The following PCDH15 variants were observed in gnomAD, a reference collection of about 807,000 sequenced individuals.
PCDH15 encodes protocadherin related 15, also known as protocadherin-15.
Under a neutral mutation model 178.5 loss-of-function variants are expected in PCDH15, and 129 were observed. The observed-to-expected ratio is 0.72, with a 90% CI of 0.63 to 0.84. The LOEUF (loss-of-function observed/expected upper bound fraction) is 0.84. PCDH15 is among the 40% of genes least tolerant of loss of function. PCDH15 has a pLI of 0.00. For synonymous variants in PCDH15, 800 were observed against 732.0 expected (o/e 1.09, Z -1.50); for missense variants, 2,230 against 2,099.9 (o/e 1.06, Z -1.21).
chr10:55,379,254 T>C (rs1010748027), intron 2 of PCDH15, among the ~76,000 whole-genome samples: 1 of 152,100 alleles, frequency 6.6e-6, no homozygotes, highest in East Asian at 1.9e-4. Flanking sequence ...TCTAAGGCCT[T>C]TGGTAATCAC....
chr10:53,865,166 G>T (rs959103880), intron 27 of PCDH15, among the ~76,000 whole-genome samples: 1 of 152,160 alleles, frequency 6.6e-6, no homozygotes, highest in African/African-American at 2.4e-5. Flanking sequence ...AATCAGCATG[G>T]ATATAGGTCT....
At chr10:55,021,582 T>A (rs1017279496) in intron 2 of PCDH15, among the ~76,000 whole-genome samples, 1 of 152,116 alleles carries the variant, frequency 6.6e-6, no homozygotes, top group Non-Finnish European at 1.5e-5. Flanking sequence ...CTTTAGAATA[T>A]CCCCATAATA....
chr10:54,132,301 C>G (rs9787465), intron 15 of PCDH15, among the ~76,000 whole-genome samples: 33,455 of 152,036 alleles, frequency 0.22, 4,761 homozygotes, highest in East Asian at 0.81. Flanking sequence ...TATCATCTTG[C>G]AAGTAACACA....
chr10:54,054,857 T>C (rs1172439037), intron 18 of PCDH15, among the ~76,000 whole-genome samples: 1 of 152,150 alleles, frequency 6.6e-6, no homozygotes, highest in African/African-American at 2.4e-5. Context: ...GGGTTTGCAT[T>C]ATATAGTTTG....
chr10:55,442,032 ATGTGGCTCTGC>A (rs1438368648), intron 2 of PCDH15, among the ~76,000 whole-genome samples: 4 of 152,122 alleles, frequency 2.6e-5, no homozygotes, highest in African/African-American at 7.2e-5. Flanking sequence ...ACTAAAGGGC[ATGTGGCTCTGC>A]TGATGGCTGA....
chr10:55,033,744 T>A (rs1317854052), intron 2 of PCDH15, among the ~76,000 whole-genome samples: 1 of 152,028 alleles, frequency 6.6e-6, no homozygotes, highest in Non-Finnish European at 1.5e-5. Context: ...AATAAATGAA[T>A]TTTTTTTAAT....
chr10:53,958,997 A>AG (rs2087948519), intron 23 of PCDH15, among the ~76,000 whole-genome samples: 1 of 148,136 alleles, frequency 6.8e-6, no homozygotes, highest in African/African-American at 2.5e-5. Context: ...AAAAAAAAAA[A>AG]AAAAAAAGAA....
intron 25 of PCDH15, among the ~76,000 whole-genome samples, chr10:53,918,612 T>C (rs931447769): frequency 6.6e-6 from 1 of 152,294 alleles, no homozygotes; most frequent in East Asian, 1.9e-4. Flanking sequence ...TAAATGTCTA[T>C]GGTATTGTTG....
chr10:53,916,983 C>A (rs1487231106), intron 25 of PCDH15, among the ~76,000 whole-genome samples: 1 of 151,670 alleles, frequency 6.6e-6, no homozygotes, highest in Non-Finnish European at 1.5e-5. Flanking sequence ...AATTTCCTAG[C>A]ACTAAATTTT....
chr10:54,625,476 G>A (rs2093517367), intron 2 of PCDH15, among the ~76,000 whole-genome samples: 1 of 152,056 alleles, frequency 6.6e-6, no homozygotes, highest in African/African-American at 2.4e-5. Flanking sequence ...ACTGAGTTAT[G>A]AGGGGGAGAC....
At chr10:54,765,625 T>A (rs2133200495) in intron 1 of PCDH15, among the ~76,000 whole-genome samples, 1 of 152,292 alleles carries the variant, frequency 6.6e-6, no homozygotes, top group Non-Finnish European at 1.5e-5. Context: ...GAAAAATACC[T>A]AATGACCTTC....
intron 2 of PCDH15, among the ~76,000 whole-genome samples, chr10:55,089,380 C>T (rs929478135): frequency 6.9e-5 from 10 of 145,198 alleles, no homozygotes; most frequent in South Asian, 4.4e-4. Flanking sequence ...CAGATAAAAT[C>T]GAGCAAAAAT....
chr10:54,561,980 C>CTTTTTTTTTTTTTTTTTTTTT (rs575547228), intron 2 of PCDH15, among the ~76,000 whole-genome samples: 1 of 75,252 alleles, frequency 1.3e-5, no homozygotes, highest in East Asian at 4.0e-4. Flanking sequence ...CCGCACCCAG[C>CTTTTTTTTTTTTTTTTTTTTT]TTTTTTTTTT....
chr10:54,921,735 T>C (rs529404477), intron 2 of PCDH15, among the ~76,000 whole-genome samples: 13 of 152,252 alleles, frequency 8.5e-5, no homozygotes, highest in African/African-American at 2.4e-4. Context: ...TCTAACACTG[T>C]ATTAGTCCAC....
chr10:53,951,238 T>C (rs959882761), intron 23 of PCDH15, among the ~76,000 whole-genome samples: 4 of 152,160 alleles, frequency 2.6e-5, no homozygotes, highest in Non-Finnish European at 5.9e-5. Flanking sequence ...CCTAATCACT[T>C]GAATGGTTAA....
At chr10:54,692,816 A>C (rs1054003239) in intron 1 of PCDH15, among the ~76,000 whole-genome samples, 1 of 150,660 alleles carries the variant, frequency 6.6e-6, no homozygotes. Context: ...TGAGAAAATG[A>C]TGCCACATAC....
chr10:55,606,910 A>C (rs1387280358), intron 2 of PCDH15, among the ~76,000 whole-genome samples: 2 of 147,396 alleles, frequency 1.4e-5, no homozygotes, highest in South Asian at 4.4e-4. Flanking sequence ...ATCTAATTAA[A>C]CTAAAGAGCT....
At chr10:53,881,858 A>G (rs2080743751) in intron 26 of PCDH15, among the ~76,000 whole-genome samples, 1 of 152,186 alleles carries the variant, frequency 6.6e-6, no homozygotes, top group Non-Finnish European at 1.5e-5. Flanking sequence ...GGAAGCATCC[A>G]TGGTCAGAGA....
intron 2 of PCDH15, among the ~76,000 whole-genome samples, chr10:55,359,412 A>G (rs1845165650): frequency 1.3e-5 from 2 of 151,982 alleles, no homozygotes. Flanking sequence ...AAATTATAAC[A>G]ATTTTTATAT....
Sources: allele counts gnomAD v4.1 joint callset (sites outside exome capture counted in the v4.1 genomes callset), GRCh38; gene constraint gnomAD v4.1.1; transcripts MANE v1.5; gene names NCBI Gene and HGNC (gene_info 2026-07-23, HGNC 2026-07-21).